The following TMEM132B variants were observed in gnomAD, a reference collection of about 807,000 sequenced individuals.
The protein encoded by TMEM132B is transmembrane protein 132B.
A neutral mutation model predicts 90.8 loss-of-function variants in TMEM132B; 18 were observed. That is an observed-to-expected ratio of 0.20 (90% confidence interval 0.14 to 0.29). TMEM132B has a LOEUF of 0.29. TMEM132B is among the 10% of genes least tolerant of loss of function. The pLI is 1.00. For synonymous variants in TMEM132B, 504 were observed against 523.3 expected, an observed-to-expected ratio of 0.96 and a Z score of 0.50; for missense variants, 1,096 against 1,326.8, an observed-to-expected ratio of 0.83 and a Z score of 2.70.
rs1015773095 is a variant in TMEM132B at position 125,514,089 on chromosome 12, C to T, written c.1107-5350C>T. Among the ~76,000 whole-genome samples the T allele has an allele frequency of 5.3e-5, 8 of 152,212 alleles. No individual in the cohort carries two copies. The East Asian group carries it at 1.2e-3, about 22-fold the overall frequency. ...ACTGTGGTCCAGTAGTGAAGACAGA[C>T]GTGTCTTCTCTAAGCAGAGTATATA... is the stretch of plus-strand genomic sequence containing the variant. On this transcript the variant is annotated intron_variant, in intron 3 of 8. Transcript: ENST00000682704.
intron 4 of TMEM132B, among the ~76,000 whole-genome samples, chr12:125,549,412 A>G (rs1166349715): frequency 2.0e-5 from 3 of 152,212 alleles, no homozygotes; most frequent in Non-Finnish European, 4.4e-5. Flanking sequence ...ATGGCATCAT[A>G]GGTAGGAGGT....
intron 4 of TMEM132B, among the ~76,000 whole-genome samples, chr12:125,538,227 G>T (rs1883863017): frequency 6.6e-6 from 1 of 152,214 alleles, no homozygotes. Context: ...TTTGGAGAGA[G>T]TTTATTTATG....
At chr12:125,559,878 C>T (rs550664834) in intron 4 of TMEM132B, among the ~76,000 whole-genome samples, 1 of 152,268 alleles carries the variant, frequency 6.6e-6, no homozygotes, top group Admixed American at 6.5e-5. Context: ...TGTCCTTGTT[C>T]CGAGTCCACC....
chr12:125,436,324 G>A (rs1262560195), intron 3 of TMEM132B, among the ~76,000 whole-genome samples: 7 of 152,150 alleles, frequency 4.6e-5, no homozygotes, highest in Admixed American at 3.3e-4. Context: ...GTCCATCTCA[G>A]CCTCACTGTT....
chr12:125,542,850 G>T (rs1292662745), intron 4 of TMEM132B, among the ~76,000 whole-genome samples: 2 of 152,186 alleles, frequency 1.3e-5, no homozygotes, highest in Non-Finnish European at 2.9e-5. Flanking sequence ...GAGTATATTG[G>T]AGAGCAGGCT....
intron 3 of TMEM132B, among the ~76,000 whole-genome samples, chr12:125,513,230 A>ATTC (rs1883026768): frequency 6.6e-6 from 1 of 152,188 alleles, no homozygotes; most frequent in Non-Finnish European, 1.5e-5. Context: ...TCATTCATTC[A>ATTC]ACAGATGTCT....
chr12:125,483,215 G>A (rs552279700), intron 3 of TMEM132B, among the ~76,000 whole-genome samples: 2 of 152,116 alleles, frequency 1.3e-5, no homozygotes, highest in African/African-American at 4.8e-5. Flanking sequence ...TGCATGTTGT[G>A]CACATGTACC....
chr12:125,433,681 C>A (rs868550030), intron 3 of TMEM132B, among the ~76,000 whole-genome samples: 1 of 113,516 alleles, frequency 8.8e-6, no homozygotes, highest in Non-Finnish European at 1.7e-5. Context: ...TCCCCCCACC[C>A]ATTATTCACA....
At chr12:125,447,055 G>A (rs1038698292) in intron 3 of TMEM132B, among the ~76,000 whole-genome samples, 1 of 152,130 alleles carries the variant, frequency 6.6e-6, no homozygotes, top group Non-Finnish European at 1.5e-5. Context: ...TACTATTTAT[G>A]TGGCATATAT....
intron 1 of TMEM132B, among the ~76,000 whole-genome samples, chr12:125,320,053 A>G (rs765597241): frequency 3.3e-5 from 5 of 150,752 alleles, no homozygotes; most frequent in Non-Finnish European, 5.9e-5. Context: ...AGGGCAGCAC[A>G]ATTCACCTTT....
intron 1 of TMEM132B, among the ~76,000 whole-genome samples, chr12:125,219,770 A>G (rs1873517723): frequency 6.6e-6 from 1 of 152,184 alleles, no homozygotes; most frequent in Admixed American, 6.5e-5. Context: ...ATAATCAATA[A>G]CAATCCCTTT....
chr12:125,242,307 G>C (rs1202500396), intron 1 of TMEM132B, among the ~76,000 whole-genome samples: 2 of 152,138 alleles, frequency 1.3e-5, no homozygotes, highest in Non-Finnish European at 2.9e-5. Flanking sequence ...GTACCACCCT[G>C]CCTGGCTAAT....
chr12:125,581,663 C>T (rs937421948), intron 4 of TMEM132B, among the ~76,000 whole-genome samples: 1 of 151,308 alleles, frequency 6.6e-6, no homozygotes, highest in Admixed American at 6.6e-5. Flanking sequence ...GAGGGATGCT[C>T]ATTAGACAAA....
intron 1 of TMEM132B, among the ~76,000 whole-genome samples, chr12:125,316,166 A>G (rs1317171628): frequency 6.6e-6 from 1 of 152,238 alleles, no homozygotes; most frequent in Non-Finnish European, 1.5e-5. Flanking sequence ...CTTTCTACAC[A>G]GATCCATATC....
At chr12:125,486,331 T>C (rs1882202323) in intron 3 of TMEM132B, among the ~76,000 whole-genome samples, 1 of 152,306 alleles carries the variant, frequency 6.6e-6, no homozygotes, top group Middle Eastern at 3.4e-3. Flanking sequence ...CCTTATTACA[T>C]GGTGTTATAG....
chr12:125,643,127 T>A (rs543781489), intron 5 of TMEM132B, among the ~76,000 whole-genome samples: 6 of 152,118 alleles, frequency 3.9e-5, no homozygotes, highest in African/African-American at 1.4e-4. Flanking sequence ...CAGATTCAAG[T>A]GAGGAAGAGA....
intron 2 of TMEM132B, among the ~76,000 whole-genome samples, chr12:125,388,494 C>G (rs1027472178): frequency 1.3e-5 from 2 of 152,164 alleles, no homozygotes; most frequent in African/African-American, 4.8e-5. Flanking sequence ...TTGCCAGCTT[C>G]CTTCAACCTG....
At chr12:125,602,402 A>G (rs1364477141) in intron 5 of TMEM132B, among the ~76,000 whole-genome samples, 2 of 152,256 alleles carry the variant, frequency 1.3e-5, no homozygotes, top group African/African-American at 2.4e-5. Flanking sequence ...TGCCTTCGAT[A>G]AAACTCAGCA....
intron 3 of TMEM132B, among the ~76,000 whole-genome samples, chr12:125,464,001 A>C (rs1396032847): frequency 2.0e-5 from 3 of 152,136 alleles, no homozygotes; most frequent in Non-Finnish European, 4.4e-5. Flanking sequence ...GAATTCCCTC[A>C]CTATCATGAG....
Sources: gnomAD v4.1 joint callset for allele counts (sites outside exome capture counted in the v4.1 genomes callset) on GRCh38, gnomAD v4.1.1 for gene constraint, MANE v1.5 for transcripts, NCBI Gene and HGNC (gene_info 2026-07-23, HGNC 2026-07-21) for gene names.